ITPR2: variants seen among roughly 807,000 people sequenced by gnomAD.
ITPR2 encodes the protein inositol 1,4,5-trisphosphate-gated calcium channel ITPR2.
A neutral mutation model predicts 317.1 loss-of-function variants in ITPR2; 207 were observed. That is an observed-to-expected ratio of 0.65 (90% CI 0.58 to 0.73). ITPR2 has a LOEUF of 0.73. Among genes scored for constraint, ITPR2 ranks in the 30% least tolerant of loss-of-function variants. The probability of loss-of-function intolerance (pLI) is 0.00; values close to 1 mark genes in which losing one functional copy is unlikely to be tolerated. For synonymous variants in ITPR2, 1,156 were observed against 1,149.1 expected (o/e 1.01, Z -0.12); for missense variants, 2,613 against 3,284.0 (o/e 0.80, Z 4.99).
chr12:26,488,322 C>G (rs1942719495), intron 39 of ITPR2, among the ~76,000 whole-genome samples: 1 of 152,026 alleles, frequency 6.6e-6, no homozygotes, highest in Non-Finnish European at 1.5e-5. Context: ...AGAACTGGCC[C>G]TACTCCAATA....
chr12:26,497,231 G>T (rs1942956040), intron 37 of ITPR2, among the ~76,000 whole-genome samples: 1 of 147,172 alleles, frequency 6.8e-6, no homozygotes, highest in Non-Finnish European at 1.5e-5. Flanking sequence ...TCGGCTCACT[G>T]CAAGCTCCGC....
At chr12:26,638,304 TC>T (rs775018682) in intron 21 of ITPR2, among the ~76,000 whole-genome samples, 4 of 152,258 alleles carry the variant, frequency 2.6e-5, no homozygotes, top group Non-Finnish European at 5.9e-5. Flanking sequence ...CATGCTGTTT[TC>T]ATAAGTGAAA....
At chr12:26,691,963 A>T (rs1361857327) in intron 10 of ITPR2, among the ~76,000 whole-genome samples, 1 of 152,066 alleles carries the variant, frequency 6.6e-6, no homozygotes, top group Non-Finnish European at 1.5e-5. Context: ...TTCCTTAACA[A>T]ACTGCTACTC....
chr12:26,438,436 A>C (rs773793902), intron 47 of ITPR2, among the ~76,000 whole-genome samples: 11 of 152,152 alleles, frequency 7.2e-5, no homozygotes, highest in Non-Finnish European at 1.3e-4. Flanking sequence ...AGACCTACTC[A>C]AGAGTTTCCC....
chr12:26,672,490 C>G (rs955565259), intron 13 of ITPR2, among the ~76,000 whole-genome samples: 7 of 151,596 alleles, frequency 4.6e-5, no homozygotes, highest in African/African-American at 1.7e-4. Context: ...TAAAGATGTT[C>G]TTTGAAACCA....
chr12:26,549,640 T>C (rs1487797600), intron 37 of ITPR2, among the ~76,000 whole-genome samples: 1 of 152,124 alleles, frequency 6.6e-6, no homozygotes, highest in Non-Finnish European at 1.5e-5. Context: ...GTATCAAACA[T>C]GCTGCTAGCT....
At chr12:26,650,344 T>C (rs1008012911) in intron 21 of ITPR2, among the ~76,000 whole-genome samples, 1 of 152,182 alleles carries the variant, frequency 6.6e-6, no homozygotes, top group Admixed American at 6.5e-5. Context: ...AGTGAAAAGA[T>C]GCTGTACGAT....
intron 52 of ITPR2, chr12:26,400,889 G>T (rs1275567203): frequency 2.0e-5 from 3 of 152,282 alleles, no homozygotes; most frequent in Non-Finnish European, 4.4e-5. Context: ...TCTGTAAAAT[G>T]GGGAGGGCCG....
intron 26 of ITPR2, among the ~76,000 whole-genome samples, chr12:26,619,451 T>C (rs1946446591): frequency 6.6e-6 from 1 of 152,218 alleles, no homozygotes; most frequent in African/African-American, 2.4e-5. Flanking sequence ...CATCTTTTAC[T>C]TAATCTAAAC....
At chr12:26,725,985 T>C in intron 2 of ITPR2, 1 of 412,964 alleles carries the variant, frequency 2.4e-6, no homozygotes, top group Non-Finnish European at 4.3e-6. Context: ...TTAATTTAAG[T>C]TTTTTAAAGA....
At chr12:26,397,023 A>C (rs547744316) in intron 54 of ITPR2, among the ~76,000 whole-genome samples, 2 of 151,480 alleles carry the variant, frequency 1.3e-5, no homozygotes, top group African/African-American at 4.8e-5. Context: ...ATGACCTCCT[A>C]CCTGATGACT....
intron 54 of ITPR2, among the ~76,000 whole-genome samples, chr12:26,397,907 G>A (rs183113600): frequency 1.3e-5 from 2 of 152,090 alleles, no homozygotes; most frequent in South Asian, 2.1e-4. Context: ...CTAGGGTGCC[G>A]AGAGACCAGC....
chr12:26,506,468 C>T (rs1193335382), intron 37 of ITPR2, among the ~76,000 whole-genome samples: 4 of 145,924 alleles, frequency 2.7e-5, no homozygotes, highest in Admixed American at 7.0e-5. Flanking sequence ...TGATTGCACA[C>T]TGCACTCCAG....
At chr12:26,427,343 A>G (rs1294835057) in intron 49 of ITPR2, among the ~76,000 whole-genome samples, 2 of 152,090 alleles carry the variant, frequency 1.3e-5, no homozygotes, top group African/African-American at 4.8e-5. Context: ...TAAATGTATC[A>G]CTTGCTTTTT....
intron 1 of ITPR2, among the ~76,000 whole-genome samples, chr12:26,814,526 C>G (rs1950815365): frequency 6.6e-6 from 1 of 152,180 alleles, no homozygotes; most frequent in East Asian, 1.9e-4. Context: ...CTCTTCTCCA[C>G]CACCAGGTAC....
intron 2 of ITPR2, among the ~76,000 whole-genome samples, chr12:26,748,259 G>T (rs1475667917): frequency 6.6e-6 from 1 of 151,930 alleles, no homozygotes; most frequent in Non-Finnish European, 1.5e-5. Context: ...GGGTTTCATC[G>T]TGTTGGCCAG....
chr12:26,386,666 T>G (rs1939671945), intron 55 of ITPR2, among the ~76,000 whole-genome samples: 1 of 144,814 alleles, frequency 6.9e-6, no homozygotes, highest in Non-Finnish European at 1.5e-5. Flanking sequence ...TCAGATTTTT[T>G]TGGGGGGTGG....
At chr12:26,513,783 A>C (rs1591845029) in intron 37 of ITPR2, among the ~76,000 whole-genome samples, 1 of 149,874 alleles carries the variant, frequency 6.7e-6, no homozygotes, top group African/African-American at 2.5e-5. Context: ...CACACATGCA[A>C]CCCTACATTT....
intron 2 of ITPR2, among the ~76,000 whole-genome samples, chr12:26,779,616 C>T (rs1426250909): frequency 6.6e-6 from 1 of 152,170 alleles, no homozygotes; most frequent in Non-Finnish European, 1.5e-5. Flanking sequence ...AGACTAGGGC[C>T]TGGTTCGCAG....
Sources: allele counts gnomAD v4.1 joint callset (sites outside exome capture counted in the v4.1 genomes callset), GRCh38; gene constraint gnomAD v4.1.1; transcripts MANE v1.5; gene names NCBI Gene and HGNC (gene_info 2026-07-23, HGNC 2026-07-21).